The following CYP2C19 variants were observed in gnomAD, a reference collection of about 807,000 sequenced individuals.
CYP2C19 encodes the protein cytochrome P450 family 2 subfamily C member 19.
CYP2C19 carries 59 observed loss-of-function variants against 40.9 expected under a neutral mutation model. That is an observed-to-expected ratio of 1.44 (90% CI 1.17 to 1.79). The LOEUF (loss-of-function observed/expected upper bound fraction) is 1.79. Among genes scored for constraint, CYP2C19 ranks in the 40% most tolerant of loss-of-function variants. The probability of loss-of-function intolerance (pLI) is 0.00; values close to 1 mark genes in which losing one functional copy is unlikely to be tolerated. For missense variants in CYP2C19, 754 were observed against 596.9 expected, an observed-to-expected ratio of 1.26 and a Z score of -2.74; for synonymous variants, 253 against 208.7, an observed-to-expected ratio of 1.21 and a Z score of -1.83.
chr10:94,791,397 T>A (rs1183071839), intron 5 of CYP2C19, among the ~76,000 whole-genome samples: 1 of 152,074 alleles, frequency 6.6e-6, no homozygotes, highest in Non-Finnish European at 1.5e-5. Context: ...TTATTTCTTG[T>A]CTTCTGCTAG....
chr10:94,769,167 G>A (rs886224790), intron 1 of CYP2C19, among the ~76,000 whole-genome samples: 3 of 151,970 alleles, frequency 2.0e-5, no homozygotes, highest in Non-Finnish European at 2.9e-5. Context: ...TGACCTAGAC[G>A]CCTTGTACCC....
At chr10:94,782,904 A>T (rs1038699566) in intron 5 of CYP2C19, among the ~76,000 whole-genome samples, 1 of 152,122 alleles carries the variant, frequency 6.6e-6, no homozygotes, top group African/African-American at 2.4e-5. Flanking sequence ...GTGGCAGTTG[A>T]ACAATGAGAA....
chr10:94,850,174 A>C, intron 8 of CYP2C19, 116 bp downstream of exon 8: 2 of 1,242,560 alleles, frequency 1.6e-6, no homozygotes, highest in South Asian at 2.5e-5. Context: ...CATGATCAAG[A>C]GCACTGTTCT....
intron 5 of CYP2C19, among the ~76,000 whole-genome samples, chr10:94,801,249 T>C (rs1194258829): frequency 1.3e-5 from 2 of 152,210 alleles, no homozygotes; most frequent in Admixed American, 6.5e-5. Flanking sequence ...AATTTCCCTC[T>C]ACACAATGCT....
At chr10:94,789,445 G>A (rs749640480) in intron 5 of CYP2C19, among the ~76,000 whole-genome samples, 4 of 151,920 alleles carry the variant, frequency 2.6e-5, no homozygotes, top group East Asian at 3.9e-4. Flanking sequence ...ATGGTATTGC[G>A]TAGGTTTTCT....
Position 94,811,988 on chromosome 10 carries a change from A to G in CYP2C19, c.820-8508A>G, listed in dbSNP as rs112798478. The stretch of plus-strand genomic sequence containing the variant: ...AGTGTTGATGGTCTTTACAAAATTT[A>G]GTATGTTTTTGCAGTGGCTGTTCCC... On this transcript the variant is annotated intron_variant, in intron 5 of 8. Coordinates refer to ENST00000371321, the MANE Select transcript of CYP2C19 (RefSeq NM_000769.4). Among the ~76,000 whole-genome samples, 719 of 152,140 alleles carry G rather than the reference A, an allele frequency of 4.7e-3. 6 individuals are homozygous for G. Among genetic ancestry groups the G allele is most frequent in the African/African-American group, 0.011 (459 of 41,516 alleles).
intron 6 of CYP2C19, among the ~76,000 whole-genome samples, chr10:94,822,457 C>T (rs1020038037): frequency 2.6e-5 from 4 of 152,104 alleles, no homozygotes; most frequent in Admixed American, 1.3e-4. Flanking sequence ...ACCACATTTT[C>T]CTTATACAGT....
At chr10:94,771,223 G>T (rs972611158) in intron 1 of CYP2C19, among the ~76,000 whole-genome samples, 4 of 152,022 alleles carry the variant, frequency 2.6e-5, no homozygotes, top group Non-Finnish European at 5.9e-5. Flanking sequence ...ATAGCCCGGG[G>T]TTTTTTGTGG....
At chr10:94,823,172 G>A (rs375875161) in intron 6 of CYP2C19, among the ~76,000 whole-genome samples, 5 of 152,154 alleles carry the variant, frequency 3.3e-5, no homozygotes, top group Non-Finnish European at 1.5e-5. Flanking sequence ...CTCAATATTA[G>A]TATTTGGAAG....
rs988919888 is a variant in CYP2C19, at chr10:94,831,433, A to T, written c.961+10796A>T. Among the ~76,000 whole-genome samples the T allele has an allele frequency of 2.7e-4, 41 of 152,262 alleles. 1 individual carries two copies. Among genetic ancestry groups the T allele is most frequent in the Non-Finnish European group, 1.6e-4 (11 of 68,002 alleles). On this transcript the variant is annotated intron_variant, in intron 6 of 8. Transcript: ENST00000371321. ...TTGGTAGTTTTATTTTTAGTTTTTT[A>T]AAAAACTTACAATATATATTTTTAG...
Position 94,775,404 on chromosome 10 carries a change from A to G in CYP2C19, c.346A>G (p.Asn116Asp). The change falls in exon 3 of 9, where the codon AAT becomes GAT. Residue 116 changes from asparagine (N) to aspartate (D), a missense_variant. Transcript: ENST00000371321. ...ANRGFGIVFS[N>D]GKRWKEIRRF... ...CTTCCTGTTAGGAATCGTTTTCAGCAATGGAAAGAGATGGAAGGAGATCCG... is the reference window on the plus strand; with the variant it reads ...CTTCCTGTTAGGAATCGTTTTCAGCGATGGAAAGAGATGGAAGGAGATCCG... The G allele has an allele frequency of 1.2e-6, 2 of 1,614,008 alleles. No homozygotes were observed. Among genetic ancestry groups the G allele is most frequent in the Non-Finnish European group, 1.7e-6 (2 of 1,180,022 alleles).
chr10:94,804,944 G>C (rs561223842), intron 5 of CYP2C19, among the ~76,000 whole-genome samples: 1 of 151,966 alleles, frequency 6.6e-6, no homozygotes, highest in Admixed American at 6.6e-5. Context: ...CTTGATTATT[G>C]TTTTCTTTGT....
chr10:94,834,657 C>T (rs1293773868), intron 6 of CYP2C19, among the ~76,000 whole-genome samples: 3 of 152,040 alleles, frequency 2.0e-5, no homozygotes, highest in African/African-American at 7.2e-5. Flanking sequence ...GCTCAAATGC[C>T]TGGGTTTATA....
intron 6 of CYP2C19, among the ~76,000 whole-genome samples, chr10:94,832,710 TG>T (rs1386331043): frequency 1.3e-5 from 2 of 152,006 alleles, no homozygotes; most frequent in African/African-American, 4.8e-5. Flanking sequence ...CCTCCAGTTT[TG>T]TTTTTTTTGC....
intron 5 of CYP2C19, among the ~76,000 whole-genome samples, chr10:94,813,022 G>T (rs1226871508): frequency 6.6e-6 from 1 of 151,060 alleles, no homozygotes; most frequent in Non-Finnish European, 1.5e-5. Context: ...TCTTGTCTTT[G>T]ATGTTGGTGA....
chr10:94,804,320 C>T (rs1002382117), intron 5 of CYP2C19, among the ~76,000 whole-genome samples: 2 of 152,168 alleles, frequency 1.3e-5, no homozygotes, highest in African/African-American at 4.8e-5. Context: ...ATTCCAGTAC[C>T]CACTGCTAAG....
chr10:94,823,531 C>T (rs1849162118), intron 6 of CYP2C19, among the ~76,000 whole-genome samples: 3 of 152,048 alleles, frequency 2.0e-5, no homozygotes, highest in Admixed American at 2.0e-4. Flanking sequence ...GCCATCTTAA[C>T]AGAAAATTAT....
In CYP2C19 at chr10:94,773,175, G is replaced by T. The variant is rs116122678; in HGVS notation, c.169-1883G>T. Reference sequence around the variant, plus strand: ...GAACAGCAAGTGAAAGGGATCCAGTGGTACTTACTGCTTGGCAATAGGCAA... The same window carrying T: ...GAACAGCAAGTGAAAGGGATCCAGTTGTACTTACTGCTTGGCAATAGGCAA... On this transcript the variant is annotated intron_variant, in intron 1 of 8. Transcript: ENST00000371321. 3.1e-3 allele frequency among the ~76,000 whole-genome samples: 472 copies of T among 152,282 alleles called. 3 individuals are homozygous for T. Among genetic ancestry groups the T allele is most frequent in the African/African-American group, 0.011 (449 of 41,570 alleles).
chr10:94,775,431 C>G lies in CYP2C19; in HGVS notation c.373C>G (p.Arg125Gly), dbSNP rs200150287. ...SNGKRWKEIRRFSLMTLRNFG... is the reference protein window; with the variant it reads ...SNGKRWKEIRGFSLMTLRNFG... ...TGGAAAGAGATGGAAGGAGATCCGG[C>G]GTTTCTCCCTCATGACGCTGCGGAA... The change falls in exon 3 of 9, where the codon CGT (arginine) becomes GGT (glycine). Residue 125 changes from arginine to glycine, a missense_variant. Coordinates refer to ENST00000371321, the MANE Select transcript of CYP2C19 (RefSeq NM_000769.4). The G allele has an allele frequency of 1.2e-6, 2 of 1,613,914 alleles. No individual in the cohort carries two copies. Among genetic ancestry groups the G allele is most frequent in the East Asian group, 4.5e-5 (2 of 44,896 alleles).
Sources: allele counts gnomAD v4.1 joint callset (sites outside exome capture counted in the v4.1 genomes callset), GRCh38; gene constraint gnomAD v4.1.1; transcripts MANE v1.5; gene names NCBI Gene and HGNC (gene_info 2026-07-23, HGNC 2026-07-21).